FAM135A: variants seen among roughly 807,000 people sequenced by gnomAD.
FAM135A encodes protein FAM135A.
FAM135A carries 79 observed loss-of-function variants against 146.8 expected under a neutral mutation model. The ratio of observed to expected loss-of-function variants is 0.54; its 90% confidence interval spans 0.45 to 0.65. The LOEUF (loss-of-function observed/expected upper bound fraction) is 0.65, where lower values mean the gene tolerates loss of function less well. Among genes scored for constraint, FAM135A ranks in the 30% least tolerant of loss-of-function variants. FAM135A has a pLI of 0.00. For missense variants in FAM135A, 1,623 were observed against 1,758.2 expected (o/e 0.92, Z 1.38); for synonymous variants, 562 against 603.6 (o/e 0.93, Z 1.01).
chr6:70,465,578 C>T (rs1423771808), intron 5 of FAM135A, among the ~76,000 whole-genome samples: 2 of 152,110 alleles, frequency 1.3e-5, no homozygotes, highest in Non-Finnish European at 2.9e-5. Flanking sequence ...TGGAGCCTAA[C>T]TTTGTTGCCC....
intron 20 of FAM135A, among the ~76,000 whole-genome samples, chr6:70,552,360 A>G (rs967672231): frequency 1.3e-5 from 2 of 151,882 alleles, no homozygotes; most frequent in Non-Finnish European, 2.9e-5. Context: ...AAAATGAGGC[A>G]TGCCTGTACA....
intron 4 of FAM135A, among the ~76,000 whole-genome samples, chr6:70,449,230 C>G (rs1262786762): frequency 6.6e-6 from 1 of 152,000 alleles, no homozygotes; most frequent in Non-Finnish European, 1.5e-5. Flanking sequence ...TATTTATCAC[C>G]TCACCTACTT....
At chr6:70,424,070 A>G (rs972969602) in intron 2 of FAM135A, among the ~76,000 whole-genome samples, 3 of 152,220 alleles carry the variant, frequency 2.0e-5, no homozygotes, top group Non-Finnish European at 4.4e-5. Flanking sequence ...GCAGTGGATT[A>G]ATATCCTTAG....
At chr6:70,430,883 A>G (rs1771433289) in intron 4 of FAM135A, among the ~76,000 whole-genome samples, 1 of 152,156 alleles carries the variant, frequency 6.6e-6, no homozygotes, top group South Asian at 2.1e-4. Flanking sequence ...GTTCATCTCT[A>G]TCTTGCAGAA....
chr6:70,482,185 A>G (rs369148670), intron 10 of FAM135A, 31 bp downstream of exon 10: 25 of 1,606,690 alleles, frequency 1.6e-5, no homozygotes, highest in South Asian at 3.3e-5. Flanking sequence ...CTTATTCTAC[A>G]GTTCAAATCA....
At chr6:70,440,239 A>G (rs1295621785) in intron 4 of FAM135A, among the ~76,000 whole-genome samples, 1 of 152,172 alleles carries the variant, frequency 6.6e-6, no homozygotes, top group Non-Finnish European at 1.5e-5. Flanking sequence ...GCATCAGAGG[A>G]CAGGTAATTT....
intron 5 of FAM135A, among the ~76,000 whole-genome samples, chr6:70,458,573 T>C (rs2128083067): frequency 6.6e-6 from 1 of 152,302 alleles, no homozygotes; most frequent in South Asian, 2.1e-4. Flanking sequence ...TTTTGAATGT[T>C]GTTTCATCCT....
chr6:70,456,509 C>G (rs890469088), intron 5 of FAM135A, among the ~76,000 whole-genome samples: 11 of 152,088 alleles, frequency 7.2e-5, no homozygotes, highest in Non-Finnish European at 1.6e-4. Flanking sequence ...AAATCAATTC[C>G]AAGAAAGATT....
chr6:70,434,307 G>C (rs1208997488), intron 4 of FAM135A, among the ~76,000 whole-genome samples: 1 of 152,202 alleles, frequency 6.6e-6, no homozygotes, highest in African/African-American at 2.4e-5. Context: ...GTAAATTTCA[G>C]TTAGGTTTTA....
intron 20 of FAM135A, among the ~76,000 whole-genome samples, chr6:70,539,778 G>A (rs1315633929): frequency 6.6e-6 from 1 of 152,028 alleles, no homozygotes; most frequent in African/African-American, 2.4e-5. Flanking sequence ...GGCGGATCAC[G>A]AGGTCAGGAG....
intron 5 of FAM135A, among the ~76,000 whole-genome samples, chr6:70,453,462 A>G (rs951614147): frequency 1.2e-4 from 18 of 152,006 alleles, no homozygotes; most frequent in African/African-American, 4.1e-4. Flanking sequence ...TGTGCACAAC[A>G]TGCAGGTTTG....
intron 15 of FAM135A, among the ~76,000 whole-genome samples, chr6:70,527,068 C>G (rs1163130896): frequency 6.6e-6 from 1 of 151,844 alleles, no homozygotes; most frequent in Non-Finnish European, 1.5e-5. Context: ...TTTCATCAGT[C>G]CCTCATTTCT....
At chr6:70,467,923 A>G (rs1780789908) in intron 5 of FAM135A, among the ~76,000 whole-genome samples, 1 of 152,136 alleles carries the variant, frequency 6.6e-6, no homozygotes, top group African/African-American at 2.4e-5. Flanking sequence ...TAACTTAAAC[A>G]TGTTAAAAGT....
rs936724144 is a variant in FAM135A at position 70,526,670 on chromosome 6, G to A, written c.3586G>A (p.Glu1196Lys). The A allele has an allele frequency of 6.2e-7, 1 of 1,606,008 alleles. No individual in the cohort carries two copies. Among genetic ancestry groups the A allele is most frequent in the Non-Finnish European group, 8.5e-7 (1 of 1,176,928 alleles). Residue 1196 changes from glutamate to lysine, a missense_variant, in exon 15 of 22, where the codon GAA becomes AAA. Coordinates refer to ENST00000418814, the MANE Select transcript of FAM135A (RefSeq NM_001162529.3). Reference sequence around the variant, plus strand: ...CTTCACTTCTTCGATTTCCTGGTATGAAAGTTCACCAAAACCTCAAATACA... The same window carrying A: ...CTTCACTTCTTCGATTTCCTGGTATAAAAGTTCACCAAAACCTCAAATACA... ...YNFTSSISWY[E>K]SSPKPQIQAF...
chr6:70,531,888 CTTTTTTTTTTTT>C (rs869128532), intron 16 of FAM135A, among the ~76,000 whole-genome samples: 4 of 85,736 alleles, frequency 4.7e-5, no homozygotes, highest in South Asian at 4.7e-4. Context: ...AAACTGATTT[CTTTTTTTTTTTT>C]TTTTTTTTTT....
chr6:70,426,119 A>AAC (rs1554261990), intron 2 of FAM135A, among the ~76,000 whole-genome samples: 18 of 150,422 alleles, frequency 1.2e-4, no homozygotes, highest in Non-Finnish European at 1.8e-4. Flanking sequence ...CAAAAAAAAA[A>AAC]AACAACAACA....
intron 3 of FAM135A, among the ~76,000 whole-genome samples, chr6:70,427,892 T>C (rs1770564556): frequency 6.6e-6 from 1 of 152,190 alleles, no homozygotes; most frequent in Non-Finnish European, 1.5e-5. Context: ...TAACTGGGGA[T>C]TGAAGAGTGT....
At chr6:70,527,717 C>T (rs953740181) in intron 15 of FAM135A, among the ~76,000 whole-genome samples, 2 of 152,068 alleles carry the variant, frequency 1.3e-5, no homozygotes, top group African/African-American at 2.4e-5. Context: ...TTAGATTGTC[C>T]GTCATTGCAA....
At position 70,480,353 on chromosome 6, in the gene FAM135A, C is replaced by G. The variant is rs1296695629; in HGVS notation, c.543-548C>G. On this transcript the variant is annotated intron_variant, in intron 8 of 21. Transcript: ENST00000418814. The stretch of plus-strand genomic sequence containing the variant: ...AGCATGGTGGCACATGACTGTAGTT[C>G]TAGCTGCTAGGGACTTGAATAATAA... 2.6e-5 allele frequency among the ~76,000 whole-genome samples: 4 copies of G among 152,214 alleles called. No individual in the cohort carries two copies. The East Asian group carries it at 5.8e-4, about 22-fold the overall frequency.
Sources: gnomAD v4.1 joint callset for allele counts (sites outside exome capture counted in the v4.1 genomes callset) on GRCh38, gnomAD v4.1.1 for gene constraint, MANE v1.5 for transcripts, NCBI Gene and HGNC (gene_info 2026-07-23, HGNC 2026-07-21) for gene names.